ADRA1A: variants seen among roughly 807,000 people sequenced by gnomAD.
ADRA1A encodes adrenoceptor alpha 1A.
ADRA1A carries 31 observed loss-of-function variants against 29.6 expected under a neutral mutation model. The observed-to-expected ratio is 1.05, with a 90% CI of 0.79 to 1.41. ADRA1A has a LOEUF of 1.41. Among genes scored for constraint, ADRA1A ranks in the 40% most tolerant of loss-of-function variants. The pLI is 0.00. For missense variants in ADRA1A, 619 were observed against 601.1 expected, an observed-to-expected ratio of 1.03 and a Z score of -0.31; for synonymous variants, 311 against 254.3, an observed-to-expected ratio of 1.22 and a Z score of -2.12.
intron 2 of ADRA1A, among the ~76,000 whole-genome samples, chr8:26,799,886 C>A (rs60535405): frequency 0.08 from 12,154 of 152,124 alleles, 528 homozygotes; most frequent in African/African-American, 0.13. Context: ...TGGAAATGCA[C>A]GTAATCTAGA....
chr8:26,764,763 T>G (rs1481005469), downstream of ADRA1A, among the ~76,000 whole-genome samples: 1 of 152,186 alleles, frequency 6.6e-6, no homozygotes, highest in Non-Finnish European at 1.5e-5. Context: ...TAAACTCAAG[T>G]TGGGATTTTT....
downstream of ADRA1A, chr8:26,765,997 G>A: frequency 1.9e-6 from 3 of 1,609,022 alleles, no homozygotes; most frequent in African/African-American, 1.3e-5. Context: ...CATAGCCATA[G>A]CTTCCAGCTG....
At position 26,867,263 on chromosome 8, in the gene ADRA1A, C is replaced by G. The variant is rs1813963859; in HGVS notation, c.-1014G>C. The G allele has an allele frequency of 2.0e-6, 2 of 985,490 alleles. No individual in the cohort carries two copies. Among genetic ancestry groups the G allele is most frequent in the Non-Finnish European group, 2.4e-6 (2 of 829,962 alleles). 61.0% of individuals were successfully genotyped at this position (985,490 alleles called of 1,614,324 possible). On this transcript the variant is annotated 5_prime_UTR_variant, in exon 1 of 3. Coordinates refer to ENST00000380573, the MANE Select transcript of ADRA1A (RefSeq NM_000680.4). ...AAGAATAGCAAGGAACTTTGCAGCT[C>G]TCGCTGACGTAACTCAGGCAGTAGC...
intron 2 of ADRA1A, among the ~76,000 whole-genome samples, chr8:26,847,540 G>T (rs557329277): frequency 6.6e-6 from 1 of 152,174 alleles, no homozygotes; most frequent in East Asian, 1.9e-4. Flanking sequence ...ACTAAACTAC[G>T]CAGTCCACTT....
intron 2 of ADRA1A, among the ~76,000 whole-genome samples, chr8:26,827,230 A>T (rs925195735): frequency 6.6e-6 from 1 of 152,264 alleles, no homozygotes; most frequent in Non-Finnish European, 1.5e-5. Context: ...CTGCCACAAG[A>T]TGATAACATA....
chr8:26,839,476 T>A (rs1282719186), intron 2 of ADRA1A, among the ~76,000 whole-genome samples: 1 of 152,062 alleles, frequency 6.6e-6, no homozygotes, highest in African/African-American at 2.4e-5. Flanking sequence ...TTTTTTGACT[T>A]CCTAAACTTC....
intron 2 of ADRA1A, among the ~76,000 whole-genome samples, chr8:26,750,402 A>T (rs904628547): frequency 1.8e-4 from 28 of 151,972 alleles, no homozygotes; most frequent in African/African-American, 6.0e-4. Flanking sequence ...GGGTTTCACC[A>T]TGTTGCCCAG....
rs148227276 is a variant in ADRA1A, at chr8:26,848,284, G to A, written c.883+15803C>T. On this transcript the variant is annotated intron_variant, in intron 2 of 2. Transcript: ENST00000380573. The surrounding 1 kb of genome is among the most constrained non-coding windows in gnomAD (Gnocchi z 4.3). ...CAAGTACCACTAATATGGATGGAAA[G>A]TTTGTGTCCTCCCCAAATCCACATG... 1.4e-4 allele frequency among the ~76,000 whole-genome samples: 21 copies of A among 152,344 alleles called. No individual in the cohort carries two copies. The highest frequency in any genetic ancestry group is 3.4e-3 in the Middle Eastern group (1 of 294).
At position 26,831,724 on chromosome 8, in the gene ADRA1A, G is replaced by T. The variant is rs183366387; in HGVS notation, c.883+32363C>A. ...GGACAAGAAGAACATAGTTTCACTC[G>T]CAGGGAATGAAGGACCCTTTTGGGC... On this transcript the variant is annotated intron_variant, in intron 2 of 2. Transcript: ENST00000380573. This position sits in a 1 kb window ranked among gnomAD's most constrained non-coding sequence, Gnocchi z 5.2. Among the ~76,000 whole-genome samples the T allele has an allele frequency of 6.6e-6, 1 of 152,168 alleles. No individual in the cohort carries two copies. The highest frequency in any genetic ancestry group is 2.4e-5 in the African/African-American group (1 of 41,438).
At chr8:26,760,268 G>A (rs990636022) in intron 2 of ADRA1A, among the ~76,000 whole-genome samples, 6 of 152,210 alleles carry the variant, frequency 3.9e-5, no homozygotes, top group Non-Finnish European at 8.8e-5. Flanking sequence ...GAGGCACAAG[G>A]TGTGCAGGCC....
rs35567171 is a variant in ADRA1A at position 26,863,716 on chromosome 8, G to A, written c.883+371C>T. On this transcript the variant is annotated intron_variant, in intron 2 of 2. Transcript: ENST00000380573. ...TGCATTCTGTAGCAGAGTGAAAATGGCATTCCACAGTCAGCCTAAGCACTT... is the reference window on the plus strand; with the variant it reads ...TGCATTCTGTAGCAGAGTGAAAATGACATTCCACAGTCAGCCTAAGCACTT... 0.013 allele frequency among the ~76,000 whole-genome samples: 1,990 copies of A among 152,294 alleles called. 82 individuals are homozygous for A. In the East Asian group the frequency reaches 0.15, roughly 11 times the overall value.
In ADRA1A at chr8:26,864,322, C is replaced by T. The variant is rs753726334; in HGVS notation, c.648G>A (p.Arg216=). Residue 216 remains arginine, a synonymous_variant, in exon 2 of 3, where the codon CGG becomes CGA. Coordinates refer to ENST00000380573, the MANE Select transcript of ADRA1A (RefSeq NM_000680.4). The surrounding 1 kb of genome is among the most constrained non-coding windows in gnomAD (Gnocchi z 8.1). ...RVYVVAKRES[R]GLKSGLKTDK... ...CGGTCTTGAGGCCAGACTTGAGGCCCCGGCTCTCCCTCTTGGCCACCACGT... is the reference window on the plus strand; with the variant it reads ...CGGTCTTGAGGCCAGACTTGAGGCCTCGGCTCTCCCTCTTGGCCACCACGT... The T allele has an allele frequency of 1.9e-6, 3 of 1,614,064 alleles. No individual in the cohort carries two copies. In the South Asian group the frequency reaches 3.3e-5, roughly 18 times the overall value.
intron 2 of ADRA1A, among the ~76,000 whole-genome samples, chr8:26,846,988 A>G (rs1320594673): frequency 6.6e-6 from 1 of 152,144 alleles, no homozygotes; most frequent in Non-Finnish European, 1.5e-5. Flanking sequence ...CAAACACTGC[A>G]TATTCTCACT....
At chr8:26,855,481 A>C (rs187687295) in intron 2 of ADRA1A, among the ~76,000 whole-genome samples, 1 of 152,250 alleles carries the variant, frequency 6.6e-6, no homozygotes, top group East Asian at 1.9e-4. Flanking sequence ...AAATTTCACA[A>C]GAGGAGAAAT....
rs61760511 is a variant in ADRA1A, at chr8:26,769,987, C to T, written c.*162G>A. On this transcript the variant is annotated 3_prime_UTR_variant, in exon 3 of 3. Transcript: ENST00000380573. ...TGAGACACCCTCCCTCTTCCCTGTGCCCTACCCGCTGCCTGATGAGTTGGG... is the reference window on the plus strand; with the variant it reads ...TGAGACACCCTCCCTCTTCCCTGTGTCCTACCCGCTGCCTGATGAGTTGGG... The T allele has an allele frequency of 2.8e-6, 4 of 1,435,500 alleles. No homozygotes were observed. Among genetic ancestry groups the T allele is most frequent in the Non-Finnish European group, 3.6e-6 (4 of 1,099,228 alleles). The allele number at this position is 1,435,500 out of a possible 1,614,324, so 88.9% of individuals were successfully genotyped here.
intron 2 of ADRA1A, among the ~76,000 whole-genome samples, chr8:26,781,945 G>A (rs867425769): frequency 1.2e-4 from 19 of 152,228 alleles, no homozygotes; most frequent in African/African-American, 4.6e-4. Flanking sequence ...AGTCACAGGT[G>A]AACAGGGGAG....
intron 2 of ADRA1A, among the ~76,000 whole-genome samples, chr8:26,774,661 C>T (rs1806415300): frequency 6.6e-6 from 1 of 150,782 alleles, no homozygotes; most frequent in Non-Finnish European, 1.5e-5. Flanking sequence ...GGAGTGAACC[C>T]CTGTCTAAAA....
At chr8:26,758,983 T>A (rs1220312132) in intron 2 of ADRA1A, among the ~76,000 whole-genome samples, 1 of 152,236 alleles carries the variant, frequency 6.6e-6, no homozygotes, top group Non-Finnish European at 1.5e-5. Flanking sequence ...ACTCTGAAAA[T>A]ACAATTTTTA....
In ADRA1A at chr8:26,770,532, C is replaced by G; in HGVS notation, c.1018G>C (p.Val340Leu). 6.2e-7 allele frequency: 1 copy of G among 1,614,158 alleles called. No individual in the cohort carries two copies. Among genetic ancestry groups the G allele is most frequent in the Non-Finnish European group, 8.5e-7 (1 of 1,180,032 alleles). ...SQEFKKAFQN[V>L]LRIQCLCRKQ... ...CTGCAGAGACACTGGATTCTCAAGA[C>G]ATTCTGAAAGGCCTTTTTGAACTCT... The change falls in exon 3 of 3, where the codon GTC becomes CTC. Residue 340 changes from valine (V) to leucine (L), a missense_variant. Transcript: ENST00000380573.
Sources: gnomAD v4.1 joint callset for allele counts (sites outside exome capture counted in the v4.1 genomes callset) on GRCh38, gnomAD v4.1.1 for gene constraint, Gnocchi (gnomAD v3.1) non-coding constraint, MANE v1.5 for transcripts, NCBI Gene and HGNC (gene_info 2026-07-23, HGNC 2026-07-21) for gene names.